TENM3: variants seen among roughly 807,000 people sequenced by gnomAD.
The protein encoded by TENM3 is teneurin-3.
A neutral mutation model predicts 255.1 loss-of-function variants in TENM3; 63 were observed. The observed-to-expected ratio is 0.25, with a 90% confidence interval of 0.20 to 0.30. TENM3 has a LOEUF of 0.30. Among genes scored for constraint, TENM3 ranks in the 10% least tolerant of loss-of-function variants. The probability of loss-of-function intolerance (pLI) is 1.00; values close to 1 mark genes in which losing one functional copy is unlikely to be tolerated. For synonymous variants in TENM3, 1,306 were observed against 1,322.3 expected, an observed-to-expected ratio of 0.99 and a Z score of 0.27; for missense variants, 2,929 against 3,461.1, an observed-to-expected ratio of 0.85 and a Z score of 3.86.
intron 3 of TENM3, among the ~76,000 whole-genome samples, chr4:182,461,123 A>G (rs1429678885): frequency 6.6e-6 from 1 of 152,208 alleles, no homozygotes; most frequent in African/African-American, 2.4e-5. Flanking sequence ...TGCAATCACA[A>G]TCATAATTTA....
At chr4:181,522,681 A>G in the TENM3 span, 2,267 of 650,382 alleles carry the variant, frequency 3.5e-3, 36 homozygotes, top group African/African-American at 0.034. Context: ...TGATGTGGAC[A>G]TAGCTGATGT....
the TENM3 span, among the ~76,000 whole-genome samples, chr4:181,789,227 A>T: frequency 6.9e-6 from 1 of 145,732 alleles, no homozygotes; most frequent in Non-Finnish European, 1.5e-5. Context: ...TATTTATTTT[A>T]TTTTATTTTA....
At chr4:182,130,576 G>A in the TENM3 span, among the ~76,000 whole-genome samples, 1 of 152,074 alleles carries the variant, frequency 6.6e-6, no homozygotes, top group Non-Finnish European at 1.5e-5. Flanking sequence ...CAGTCAGTGT[G>A]CACATTTTCA....
At chr4:181,637,548 C>T in the TENM3 span, among the ~76,000 whole-genome samples, 1 of 152,188 alleles carries the variant, frequency 6.6e-6, no homozygotes, top group African/African-American at 2.4e-5. Flanking sequence ...CCGTGTTTTT[C>T]CAGTAACATC....
At chr4:182,569,302 C>G (rs1338840219) in intron 3 of TENM3, among the ~76,000 whole-genome samples, 1 of 152,136 alleles carries the variant, frequency 6.6e-6, no homozygotes, top group East Asian at 1.9e-4. Context: ...CGCCTGTAAT[C>G]CCAGCACTTT....
intron 3 of TENM3, among the ~76,000 whole-genome samples, chr4:182,477,898 G>C (rs1733829806): frequency 6.6e-6 from 1 of 152,066 alleles, no homozygotes; most frequent in African/African-American, 2.4e-5. Context: ...AAATTATGCA[G>C]ATGCTCTGGA....
chr4:182,458,615 C>T (rs1053315797), intron 3 of TENM3, among the ~76,000 whole-genome samples: 3 of 151,860 alleles, frequency 2.0e-5, no homozygotes, highest in Non-Finnish European at 4.4e-5. Flanking sequence ...ATTCAGAATT[C>T]TTAAAAAAAA....
At chr4:181,503,135 G>A in the TENM3 span, among the ~76,000 whole-genome samples, 2 of 152,114 alleles carry the variant, frequency 1.3e-5, no homozygotes, top group Non-Finnish European at 2.9e-5. Flanking sequence ...GACCGAGGTG[G>A]GAGGTCCCAC....
chr4:182,562,319 G>A (rs2151976885), intron 3 of TENM3, among the ~76,000 whole-genome samples: 1 of 152,296 alleles, frequency 6.6e-6, no homozygotes, highest in South Asian at 2.1e-4. Flanking sequence ...GATTATGAAA[G>A]TGTCACGGGA....
the TENM3 span, among the ~76,000 whole-genome samples, chr4:181,785,008 T>A: frequency 6.6e-6 from 1 of 152,130 alleles, no homozygotes; most frequent in Admixed American, 6.6e-5. Flanking sequence ...TTCCTAACTC[T>A]TCATGACAAA....
At chr4:181,591,876 C>T in the TENM3 span, among the ~76,000 whole-genome samples, 16 of 151,586 alleles carry the variant, frequency 1.1e-4, no homozygotes, top group East Asian at 1.6e-3. Flanking sequence ...GAATGCTACA[C>T]AGCAATACAC....
At chr4:182,106,981 G>A in the TENM3 span, among the ~76,000 whole-genome samples, 16,206 of 152,006 alleles carry the variant, frequency 0.11, 924 homozygotes, top group South Asian at 0.17. Flanking sequence ...AGTTGTCCTC[G>A]GATTTCCCTG....
intron 4 of TENM3, among the ~76,000 whole-genome samples, chr4:182,615,428 A>T (rs1331033500): frequency 1.3e-5 from 2 of 152,186 alleles, no homozygotes; most frequent in Non-Finnish European, 2.9e-5. Context: ...GTGGCTCAGA[A>T]ATCCAAGTAT....
chr4:182,346,990 C>T, intron 3 of TENM3, 61 bp downstream of exon 3: 2 of 1,223,696 alleles, frequency 1.6e-6, no homozygotes, highest in African/African-American at 3.1e-5. Context: ...TTTTGGTTGA[C>T]TCCGCGGGGG....
the TENM3 span, among the ~76,000 whole-genome samples, chr4:181,605,518 GAAA>G: frequency 5.5e-5 from 1 of 18,214 alleles, no homozygotes; most frequent in East Asian, 1.0e-3. Context: ...AAGAAAGAAA[GAAA>G]GAAAGAAAGA....
At chr4:182,780,528 T>G (rs949147805) in intron 24 of TENM3, among the ~76,000 whole-genome samples, 2 of 118,226 alleles carry the variant, frequency 1.7e-5, no homozygotes, top group Non-Finnish European at 3.4e-5. Context: ...AGGATTGACT[T>G]GGCGATGCGG....
chr4:181,664,747 C>A, the TENM3 span, among the ~76,000 whole-genome samples: 2 of 152,110 alleles, frequency 1.3e-5, no homozygotes, highest in African/African-American at 4.8e-5. Flanking sequence ...CCCGTGATGT[C>A]CATGGCTTTC....
intron 6 of TENM3, 137 bp downstream of exon 6, chr4:182,654,030 GT>G: frequency 1.3e-6 from 1 of 797,862 alleles, no homozygotes; most frequent in Non-Finnish European, 1.7e-6. Flanking sequence ...CTTTTTATAA[GT>G]TTTTTTCAAT....
chr4:181,953,909 G>C, the TENM3 span, among the ~76,000 whole-genome samples: 8 of 152,164 alleles, frequency 5.3e-5, no homozygotes, highest in African/African-American at 1.9e-4. Flanking sequence ...CCATCACCCT[G>C]AACGTTTTCT....
Sources: allele counts gnomAD v4.1 joint callset (sites outside exome capture counted in the v4.1 genomes callset), GRCh38; gene constraint gnomAD v4.1.1; transcripts MANE v1.5; gene names NCBI Gene and HGNC (gene_info 2026-07-23, HGNC 2026-07-21).